LINGO2: variants seen among roughly 807,000 people sequenced by gnomAD.
The protein encoded by LINGO2 is leucine rich repeat and Ig domain containing 2.
In LINGO2, 14 loss-of-function variants were observed where a neutral mutation model predicts 30.6. The observed-to-expected ratio is 0.46, with a 90% CI of 0.30 to 0.72. The LOEUF (loss-of-function observed/expected upper bound fraction) is 0.72. Ranked by LOEUF, LINGO2 falls within the 30% of genes least tolerant of loss-of-function variation. The probability of loss-of-function intolerance (pLI) is 0.07; values close to 1 mark genes in which losing one functional copy is unlikely to be tolerated. For synonymous variants in LINGO2, 317 were observed against 288.5 expected (o/e 1.10, Z -1.00); for missense variants, 729 against 751.7 (o/e 0.97, Z 0.35).
intron 1 of LINGO2, among the ~76,000 whole-genome samples, chr9:28,604,116 G>A (rs760747541): frequency 7.2e-5 from 11 of 151,840 alleles, no homozygotes; most frequent in Non-Finnish European, 1.6e-4. Flanking sequence ...ATTCCAGGTG[G>A]CAGGACAGAC....
At chr9:29,113,444 C>A in the LINGO2 span, among the ~76,000 whole-genome samples, 4 of 152,036 alleles carry the variant, frequency 2.6e-5, no homozygotes, top group East Asian at 7.7e-4. Flanking sequence ...CCAGCAGGAG[C>A]AGACCATCCA....
At chr9:29,167,450 CAA>C in the LINGO2 span, among the ~76,000 whole-genome samples, 1 of 152,026 alleles carries the variant, frequency 6.6e-6, no homozygotes. Flanking sequence ...AAGAGAGAAC[CAA>C]AGTCTTGTGA....
the LINGO2 span, among the ~76,000 whole-genome samples, chr9:29,149,259 T>C: frequency 5.3e-3 from 813 of 152,182 alleles, 6 homozygotes; most frequent in African/African-American, 0.019. Context: ...ATTTTTTTAG[T>C]AACTTATCTG....
the LINGO2 span, among the ~76,000 whole-genome samples, chr9:29,131,671 T>A: frequency 6.6e-6 from 1 of 152,082 alleles, no homozygotes; most frequent in Non-Finnish European, 1.5e-5. Flanking sequence ...GACATTTTGG[T>A]CAGGCCCTTG....
intron 1 of LINGO2, among the ~76,000 whole-genome samples, chr9:28,488,227 G>C (rs1826251375): frequency 6.6e-6 from 1 of 152,106 alleles, no homozygotes; most frequent in Non-Finnish European, 1.5e-5. Context: ...GCTTTTTAAT[G>C]TTTGGCAAAT....
the LINGO2 span, among the ~76,000 whole-genome samples, chr9:28,755,000 T>C: frequency 6.6e-6 from 1 of 151,996 alleles, no homozygotes; most frequent in Non-Finnish European, 1.5e-5. Context: ...ACAGATTCTA[T>C]AATATTAAAT....
At chr9:28,243,143 G>T (rs1487687582) in intron 4 of LINGO2, among the ~76,000 whole-genome samples, 2 of 152,044 alleles carry the variant, frequency 1.3e-5, no homozygotes, top group East Asian at 3.9e-4. Context: ...AAATGTAAAT[G>T]GTCTAAATGC....
At chr9:28,842,712 C>G in the LINGO2 span, among the ~76,000 whole-genome samples, 1 of 151,808 alleles carries the variant, frequency 6.6e-6, no homozygotes, top group Non-Finnish European at 1.5e-5. Context: ...TTTCACTCTT[C>G]CAAATTAACA....
At chr9:28,825,650 C>T in the LINGO2 span, among the ~76,000 whole-genome samples, 14 of 151,812 alleles carry the variant, frequency 9.2e-5, no homozygotes, top group African/African-American at 3.4e-4. Flanking sequence ...CTACATTAAC[C>T]CTCCTGCAGT....
chr9:28,271,248 G>A (rs1399107252), intron 4 of LINGO2, among the ~76,000 whole-genome samples: 2 of 151,718 alleles, frequency 1.3e-5, no homozygotes, highest in African/African-American at 4.8e-5. Context: ...TATAGGCAAT[G>A]TTTTAGTCAA....
intron 4 of LINGO2, among the ~76,000 whole-genome samples, chr9:28,227,600 A>T (rs954379102): frequency 6.6e-6 from 1 of 151,098 alleles, no homozygotes; most frequent in Non-Finnish European, 1.5e-5. Context: ...TATTTAAACT[A>T]CATACACAAG....
At chr9:29,171,427 T>G in the LINGO2 span, among the ~76,000 whole-genome samples, 1 of 152,070 alleles carries the variant, frequency 6.6e-6, no homozygotes, top group Non-Finnish European at 1.5e-5. Context: ...ACTTCCCGTA[T>G]AGCCACTAGT....
the LINGO2 span, among the ~76,000 whole-genome samples, chr9:28,974,153 A>G: frequency 6.6e-6 from 1 of 152,234 alleles, no homozygotes; most frequent in African/African-American, 2.4e-5. Context: ...TCACACCTGT[A>G]ATCCCAGCAC....
chr9:28,918,376 G>T, the LINGO2 span, among the ~76,000 whole-genome samples: 6 of 152,320 alleles, frequency 3.9e-5, 1 homozygote, highest in South Asian at 1.0e-3. Flanking sequence ...TACAATTCAA[G>T]ATGAGACTTG....
chr9:28,002,503 C>T (rs1426119590), intron 5 of LINGO2, among the ~76,000 whole-genome samples: 1 of 152,104 alleles, frequency 6.6e-6, no homozygotes, highest in African/African-American at 2.4e-5. Flanking sequence ...TGTCCAGATT[C>T]CCAATCTGTT....
chr9:28,239,268 T>A (rs987085279), intron 4 of LINGO2, among the ~76,000 whole-genome samples: 1 of 152,042 alleles, frequency 6.6e-6, no homozygotes, highest in Admixed American at 6.6e-5. Flanking sequence ...GAAGAGAAGA[T>A]ACTTCCAAAC....
chr9:28,807,710 T>C, the LINGO2 span, among the ~76,000 whole-genome samples: 2 of 152,292 alleles, frequency 1.3e-5, no homozygotes, highest in East Asian at 1.9e-4. Flanking sequence ...AGTTTAGAAA[T>C]AGTAAGAGAG....
the LINGO2 span, among the ~76,000 whole-genome samples, chr9:29,068,697 G>A: frequency 2.0e-5 from 3 of 151,888 alleles, no homozygotes; most frequent in South Asian, 6.2e-4. Context: ...GACTTCAAAT[G>A]TACGATTCAA....
chr9:28,603,868 AT>A (rs1430716246), intron 1 of LINGO2, among the ~76,000 whole-genome samples: 1 of 152,026 alleles, frequency 6.6e-6, no homozygotes, highest in Non-Finnish European at 1.5e-5. Flanking sequence ...GTCCATTTTT[AT>A]TGAAGTATTG....
Sources: gnomAD v4.1 joint callset for allele counts (sites outside exome capture counted in the v4.1 genomes callset) on GRCh38, gnomAD v4.1.1 for gene constraint, MANE v1.5 for transcripts, NCBI Gene and HGNC (gene_info 2026-07-23, HGNC 2026-07-21) for gene names.